RGS7: variants seen among roughly 807,000 people sequenced by gnomAD.
RGS7 encodes the protein regulator of G-protein signaling 7.
RGS7 carries 27 observed loss-of-function variants against 81.1 expected under a neutral mutation model. The observed-to-expected ratio is 0.33, with a 90% CI of 0.25 to 0.46. RGS7 has a LOEUF of 0.46. Among genes scored for constraint, RGS7 ranks in the 20% least tolerant of loss-of-function variants. The pLI is 1.00. For synonymous variants in RGS7, 208 were observed against 207.7 expected, an observed-to-expected ratio of 1.00 and a Z score of -0.01; for missense variants, 396 against 607.4, an observed-to-expected ratio of 0.65 and a Z score of 3.66.
rs186035158 is a variant in RGS7, at chr1:241,266,025, C to A, written c.78+89674G>T. 3.8e-4 allele frequency among the ~76,000 whole-genome samples: 58 copies of A among 152,156 alleles called. 1 individual carries two copies. In the South Asian group the frequency reaches 6.6e-3, roughly 17 times the overall value. Reference sequence around the variant, plus strand: ...GTCAGGCTGGTCTCGAACTCCCGACCTCAGGTGATCCACCTACCTCGGCCT... The same window carrying A: ...GTCAGGCTGGTCTCGAACTCCCGACATCAGGTGATCCACCTACCTCGGCCT... On this transcript the variant is annotated intron_variant, in intron 2 of 18. Transcript: ENST00000440928.
intron 3 of RGS7, among the ~76,000 whole-genome samples, chr1:240,996,450 T>C (rs1198740731): frequency 2.0e-5 from 3 of 152,194 alleles, no homozygotes; most frequent in Non-Finnish European, 4.4e-5. Context: ...TTCAGTTCTA[T>C]CCATTTGCCT....
intron 2 of RGS7, among the ~76,000 whole-genome samples, chr1:241,235,628 C>A (rs934983211): frequency 1.6e-5 from 1 of 61,024 alleles, no homozygotes; most frequent in Non-Finnish European, 3.6e-5. Context: ...TCCCTTTTCT[C>A]TCTTTTTTCT....
chr1:240,800,916 C>T (rs770518086), intron 17 of RGS7, among the ~76,000 whole-genome samples, 195 bp from the exon 18 acceptor site: 1 of 152,060 alleles, frequency 6.6e-6, no homozygotes, highest in Non-Finnish European at 1.5e-5. Context: ...GTTTTCAACA[C>T]CTTCCTGAAA....
At chr1:240,775,451 G>C (rs1468858424), downstream of RGS7, 1 of 152,242 alleles carries the variant, frequency 6.6e-6, no homozygotes. Context: ...TGCGGTAGTG[G>C]GTTGTGGATT....
intron 3 of RGS7, among the ~76,000 whole-genome samples, chr1:241,041,611 C>T (rs532936317): frequency 1.9e-4 from 29 of 152,148 alleles, no homozygotes; most frequent in Non-Finnish European, 3.5e-4. Flanking sequence ...CCAAAACTCC[C>T]ACTTCCCCCA....
intron 3 of RGS7, among the ~76,000 whole-genome samples, chr1:240,989,239 A>C (rs1334270120): frequency 6.6e-6 from 1 of 151,562 alleles, no homozygotes; most frequent in East Asian, 1.9e-4. Flanking sequence ...GGAGATGGAG[A>C]CCATCCTGGC....
intron 9 of RGS7, among the ~76,000 whole-genome samples, chr1:240,844,815 G>A (rs575596726): frequency 5.3e-5 from 8 of 152,120 alleles, no homozygotes; most frequent in Non-Finnish European, 8.8e-5. Context: ...ACACATTTTG[G>A]ATTTTCTAAA....
intron 3 of RGS7, among the ~76,000 whole-genome samples, chr1:241,050,086 A>T (rs112405463): frequency 0.042 from 6,394 of 152,254 alleles, 150 homozygotes; most frequent in African/African-American, 0.058. Flanking sequence ...TGTGTCCACC[A>T]AGCATCTTTG....
intron 2 of RGS7, among the ~76,000 whole-genome samples, chr1:241,297,222 G>A (rs1185618995): frequency 6.6e-6 from 1 of 152,188 alleles, no homozygotes; most frequent in Non-Finnish European, 1.5e-5. Context: ...CTCAATGGAT[G>A]CTGGTGGAAT....
chr1:240,957,935 C>T (rs1445391476), intron 4 of RGS7, among the ~76,000 whole-genome samples: 1 of 152,142 alleles, frequency 6.6e-6, no homozygotes, highest in Non-Finnish European at 1.5e-5. Context: ...GATGAAGAAG[C>T]CAGAGACGAT....
intron 2 of RGS7, among the ~76,000 whole-genome samples, chr1:241,353,037 A>T (rs1158371542): frequency 6.6e-6 from 1 of 152,252 alleles, no homozygotes; most frequent in Non-Finnish European, 1.5e-5. Flanking sequence ...CGATGCTTCA[A>T]TAGTGAAGTA....
At chr1:241,202,047 C>CACACACAG (rs780522041) in intron 2 of RGS7, among the ~76,000 whole-genome samples, 41 of 150,270 alleles carry the variant, frequency 2.7e-4, no homozygotes, top group Non-Finnish European at 5.0e-4. Flanking sequence ...CACACACACA[C>CACACACAG]AGAGACACCC....
chr1:240,872,782 C>G (rs1664720154), intron 6 of RGS7, among the ~76,000 whole-genome samples: 1 of 152,136 alleles, frequency 6.6e-6, no homozygotes, highest in Non-Finnish European at 1.5e-5. Flanking sequence ...CATGCATAGT[C>G]AAAACTACAG....
rs1207729232 is a variant in RGS7, at chr1:240,960,567, T to C, written c.226+22512A>G. Among the ~76,000 whole-genome samples, 172 of 132,296 alleles carry C rather than the reference T, an allele frequency of 1.3e-3. 1 individual carries two copies. The highest frequency in any genetic ancestry group is 4.5e-3 in the African/African-American group (158 of 35,342). The allele number at this position is 132,296 out of a possible 152,430, so 86.8% of individuals were successfully genotyped here. On this transcript the variant is annotated intron_variant, in intron 4 of 18. Transcript: ENST00000440928. ...TGTTCTTTTTTTTTTTTTTTTTTTT[T>C]CCCAGAAGTCTTTGAATCCAACTTT... is the stretch of plus-strand genomic sequence containing the variant.
chr1:240,806,016 T>C (rs1320175395), intron 15 of RGS7, 124 bp downstream of exon 15: 18 of 856,970 alleles, frequency 2.1e-5, no homozygotes, highest in Non-Finnish European at 3.3e-5. Flanking sequence ...TTAGAGTTAT[T>C]TTACAGTTAT....
chr1:240,885,444 T>C (rs1242616848), intron 6 of RGS7, among the ~76,000 whole-genome samples: 1 of 151,948 alleles, frequency 6.6e-6, no homozygotes, highest in Non-Finnish European at 1.5e-5. Flanking sequence ...TAAAGACACA[T>C]GCCAATGTTC....
At chr1:241,340,875 CAGA>C (rs1399441564) in intron 2 of RGS7, among the ~76,000 whole-genome samples, 1 of 151,950 alleles carries the variant, frequency 6.6e-6, no homozygotes, top group African/African-American at 2.4e-5. Context: ...ACACTAGTGA[CAGA>C]AGGAGTTACA....
At chr1:240,984,659 C>T (rs114710475) in intron 3 of RGS7, among the ~76,000 whole-genome samples, 149 of 152,228 alleles carry the variant, frequency 9.8e-4, no homozygotes, top group Non-Finnish European at 1.7e-3. Context: ...GTTATGCCTG[C>T]GTGAATTGAA....
intron 3 of RGS7, among the ~76,000 whole-genome samples, chr1:241,020,732 T>C (rs1380215158): frequency 6.6e-6 from 1 of 152,228 alleles, no homozygotes; most frequent in Non-Finnish European, 1.5e-5. Context: ...TAAAGTTCCA[T>C]ATAAACTTCT....
Sources: gnomAD v4.1 joint callset for allele counts (sites outside exome capture counted in the v4.1 genomes callset) on GRCh38, gnomAD v4.1.1 for gene constraint, MANE v1.5 for transcripts, NCBI Gene and HGNC (gene_info 2026-07-23, HGNC 2026-07-21) for gene names.